Variants in TRPC3 observed in about 807,000 individuals in gnomAD.
TRPC3 encodes the protein transient receptor potential cation channel subfamily C member 3.
In TRPC3, 54 loss-of-function variants were observed where a neutral mutation model predicts 90.9. The ratio of observed to expected loss-of-function variants is 0.59; its 90% CI spans 0.48 to 0.75. TRPC3 has a LOEUF of 0.75. TRPC3 is among the 30% of genes least tolerant of loss of function. TRPC3 has a pLI of 0.00. For missense variants in TRPC3, 918 were observed against 1,194.5 expected (o/e 0.77, Z 3.41); for synonymous variants, 424 against 450.9 (o/e 0.94, Z 0.75).
rs1730007225 is a variant in TRPC3, at chr4:121,933,014, GTCTCAGGGATGGGCT to G, written c.229_243del (p.Ser77_Arg81del). 4 of 1,597,514 alleles carry G rather than the reference GTCTCAGGGATGGGCT, an allele frequency of 2.5e-6. No individual in the cohort carries two copies. In the East Asian group the frequency reaches 9.0e-5, roughly 36 times the overall value. On this transcript the variant is annotated inframe_deletion, in exon 2 of 12. Coordinates refer to ENST00000379645, the MANE Select transcript of TRPC3 (RefSeq NM_001130698.2). ...CCCTTCTCCCGCATCACTGTCATGC[GTCTCAGGGATGGGCT>G]TCCCTCCATGGACCTAATCAGTAGC...
chr4:121,897,453 C>CAAAAAAAAAAAAAAAAAAAA (rs70950860), intron 10 of TRPC3, among the ~76,000 whole-genome samples: 5 of 43,432 alleles, frequency 1.2e-4, no homozygotes, highest in East Asian at 7.6e-4. Context: ...ATCTCAACAG[C>CAAAAAAAAAAAAAAAAAAAA]AAAAAAAAAA....
At chr4:121,912,977 CTCTG>C (rs971761129) in intron 4 of TRPC3, among the ~76,000 whole-genome samples, 1 of 152,244 alleles carries the variant, frequency 6.6e-6, no homozygotes, top group African/African-American at 2.4e-5. Flanking sequence ...TGCTTTTTAA[CTCTG>C]TCTGTGACCT....
chr4:121,913,647 AT>A (rs933346070), intron 4 of TRPC3, among the ~76,000 whole-genome samples: 3 of 149,758 alleles, frequency 2.0e-5, no homozygotes, highest in African/African-American at 4.9e-5. Context: ...GTAGGATATG[AT>A]TTTTTTTATT....
rs1276669576 is a variant in TRPC3 at position 121,879,708 on chromosome 4, T to C, written c.*28A>G. Reference sequence around the variant, plus strand: ...AATATTATTGCCCACATTTGTGCTATAGTCAAAGCCAAATCCAGGTTGCTG... The same window carrying C: ...AATATTATTGCCCACATTTGTGCTACAGTCAAAGCCAAATCCAGGTTGCTG... On this transcript the variant is annotated 3_prime_UTR_variant, in exon 12 of 12. Coordinates refer to ENST00000379645, the MANE Select transcript of TRPC3 (RefSeq NM_001130698.2). The C allele has an allele frequency of 1.3e-6, 2 of 1,592,800 alleles. No individual in the cohort carries two copies. The highest frequency in any genetic ancestry group is 8.5e-7 in the Non-Finnish European group (1 of 1,173,180).
intron 11 of TRPC3, among the ~76,000 whole-genome samples, chr4:121,880,867 T>C (rs2149102575): frequency 6.6e-6 from 1 of 152,256 alleles, no homozygotes; most frequent in South Asian, 2.1e-4. Context: ...AATTTCAATA[T>C]TCTTCTATTA....
intron 1 of TRPC3, among the ~76,000 whole-genome samples, chr4:121,950,239 C>T (rs1279406524): frequency 3.3e-5 from 5 of 152,238 alleles, no homozygotes; most frequent in African/African-American, 1.2e-4. Flanking sequence ...GTTCTACCGG[C>T]AGGTCCAGCC....
intron 10 of TRPC3, among the ~76,000 whole-genome samples, chr4:121,892,244 G>C (rs943758886): frequency 2.0e-5 from 3 of 152,122 alleles, no homozygotes; most frequent in African/African-American, 7.2e-5. Flanking sequence ...AAGACATATA[G>C]TATAATCCAC....
chr4:121,892,009 C>T (rs915523934), intron 10 of TRPC3, among the ~76,000 whole-genome samples: 2 of 152,096 alleles, frequency 1.3e-5, no homozygotes, highest in Admixed American at 1.3e-4. Context: ...CCCCCAGGTA[C>T]TGAACCTAAA....
chr4:121,918,910 C>A (rs1201283582), intron 3 of TRPC3, among the ~76,000 whole-genome samples: 1 of 152,154 alleles, frequency 6.6e-6, no homozygotes, highest in Non-Finnish European at 1.5e-5. Flanking sequence ...AGGGCAGTGA[C>A]CTTTATACCT....
intron 10 of TRPC3, among the ~76,000 whole-genome samples, chr4:121,890,186 G>C (rs1055771976): frequency 1.3e-5 from 2 of 152,174 alleles, no homozygotes; most frequent in African/African-American, 2.4e-5. Context: ...GGGAAGTAGG[G>C]AGAAGTTGGT....
Position 121,904,354 on chromosome 4 carries a change from C to CA in TRPC3, c.2220dup (p.Ala741CysfsTer4). The CA allele has an allele frequency of 6.2e-7, 1 of 1,600,782 alleles. No homozygotes were observed. Among genetic ancestry groups the CA allele is most frequent in the African/African-American group, 1.4e-5 (1 of 73,998 alleles). ...TCTTGATATGAGCTATTAATCATAG[C>CA]AATTAGCATGTTGAGTAAAACGACC... is the stretch of plus-strand genomic sequence containing the variant. On this transcript the variant is annotated frameshift_variant, in exon 8 of 12. Transcript: ENST00000379645. LOFTEE classifies it high-confidence loss of function.
At chr4:121,886,460 C>G (rs187179211) in intron 10 of TRPC3, among the ~76,000 whole-genome samples, 3 of 152,066 alleles carry the variant, frequency 2.0e-5, no homozygotes, top group Non-Finnish European at 4.4e-5. Context: ...ATACCACTCA[C>G]GAAACTTTGT....
intron 6 of TRPC3, among the ~76,000 whole-genome samples, chr4:121,908,767 T>C (rs1728975518): frequency 6.6e-6 from 1 of 152,130 alleles, no homozygotes; most frequent in South Asian, 2.1e-4. Flanking sequence ...ATTGGGTATA[T>C]GCTCAGTACC....
At chr4:121,915,678 T>C (rs1036378199) in intron 3 of TRPC3, among the ~76,000 whole-genome samples, 2 of 152,226 alleles carry the variant, frequency 1.3e-5, no homozygotes, top group African/African-American at 4.8e-5. Flanking sequence ...ATTATACTTA[T>C]TTCAGCCCAG....
chr4:121,892,076 A>C (rs1198892968), intron 10 of TRPC3, among the ~76,000 whole-genome samples: 1 of 152,258 alleles, frequency 6.6e-6, no homozygotes, highest in Admixed American at 6.5e-5. Context: ...TAATTTAACA[A>C]GCAGGAGCTG....
At position 121,877,819 on chromosome 4, in the gene TRPC3, GT is replaced by G. The variant is rs1727809791; in HGVS notation, c.*1916del. Among the ~76,000 whole-genome samples the G allele has an allele frequency of 6.7e-6, 1 of 149,286 alleles. No individual in the cohort carries two copies. Among genetic ancestry groups the G allele is most frequent in the Non-Finnish European group, 1.5e-5 (1 of 67,660 alleles). ...AAAAAGTCAGCTTTTTATCCACATG[GT>G]GTGGATACCATGAGGCTTATCTTCA... is the stretch of plus-strand genomic sequence containing the variant. On this transcript the variant is annotated 3_prime_UTR_variant, in exon 12 of 12. Transcript: ENST00000379645.
chr4:121,927,468 T>C (rs756056768), intron 2 of TRPC3, among the ~76,000 whole-genome samples: 1 of 152,206 alleles, frequency 6.6e-6, no homozygotes, highest in Non-Finnish European at 1.5e-5. Context: ...GAAAACAGAA[T>C]TTCCCATTGT....
At chr4:121,886,035 T>G (rs1024032206) in intron 10 of TRPC3, among the ~76,000 whole-genome samples, 2 of 152,172 alleles carry the variant, frequency 1.3e-5, no homozygotes, top group African/African-American at 2.4e-5. Flanking sequence ...CAGGCGGTAC[T>G]TACTTCAAAC....
In TRPC3 at chr4:121,877,297, T is replaced by C. The variant is rs1447115353; in HGVS notation, c.*2439A>G. ...TCTGGAGAAAGGGAAGGAAGGAAAC[T>C]GGAAAAGGCAGAGGAAGAATCTAAA... On this transcript the variant is annotated 3_prime_UTR_variant, in exon 12 of 12. Transcript: ENST00000379645. Among the ~76,000 whole-genome samples the C allele has an allele frequency of 2.0e-5, 3 of 152,210 alleles. No individual in the cohort carries two copies. The highest frequency in any genetic ancestry group is 3.8e-4 in the East Asian group (2 of 5,198).
Sources: allele counts gnomAD v4.1 joint callset (sites outside exome capture counted in the v4.1 genomes callset), GRCh38; gene constraint gnomAD v4.1.1; transcripts MANE v1.5; gene names NCBI Gene and HGNC (gene_info 2026-07-23, HGNC 2026-07-21).